The following DNAH6 variants were observed in gnomAD, a reference collection of about 807,000 sequenced individuals.
DNAH6 encodes the protein dynein axonemal heavy chain 6, also known as axonemal beta dynein heavy chain 6.
Under a neutral mutation model 491.4 loss-of-function variants are expected in DNAH6, and 340 were observed. The ratio of observed to expected loss-of-function variants is 0.69; its 90% CI spans 0.63 to 0.76. The LOEUF (loss-of-function observed/expected upper bound fraction) is 0.76. DNAH6 is among the 30% of genes least tolerant of loss of function. The probability of loss-of-function intolerance (pLI) is 0.00; values close to 1 mark genes in which losing one functional copy is unlikely to be tolerated. For synonymous variants in DNAH6, 1,603 were observed against 1,686.1 expected (o/e 0.95, Z 1.21); for missense variants, 4,443 against 4,972.2 (o/e 0.89, Z 3.20).
intron 16 of DNAH6, among the ~76,000 whole-genome samples, chr2:84,590,568 T>C (rs1684022066): frequency 2.0e-5 from 3 of 149,560 alleles, no homozygotes; most frequent in Admixed American, 6.7e-5. Context: ...ATATCTTTGG[T>C]CCTGTCAGCA....
chr2:84,511,606 G>A (rs1245093997), upstream of DNAH6, among the ~76,000 whole-genome samples: 4 of 152,172 alleles, frequency 2.6e-5, no homozygotes, highest in African/African-American at 9.7e-5. Context: ...ACACTCCCCA[G>A]TGAGACGAAC....
chr2:84,603,429 A>C (rs1685456203), intron 18 of DNAH6, among the ~76,000 whole-genome samples: 1 of 152,010 alleles, frequency 6.6e-6, no homozygotes, highest in African/African-American at 2.4e-5. Flanking sequence ...TTTTCCTCTG[A>C]CCTTGGGTCT....
intron 9 of DNAH6, among the ~76,000 whole-genome samples, chr2:84,551,676 A>T (rs1041725982): frequency 1.3e-5 from 2 of 152,210 alleles, no homozygotes; most frequent in Non-Finnish European, 2.9e-5. Flanking sequence ...AGAAATATGC[A>T]CATTTTTAAG....
At chr2:84,471,301 C>G in the DNAH6 span, among the ~76,000 whole-genome samples, 3 of 152,186 alleles carry the variant, frequency 2.0e-5, no homozygotes, top group Non-Finnish European at 2.9e-5. Context: ...GCTGTGCAGC[C>G]CTTAATTGCT....
At chr2:84,694,184 C>A in intron 45 of DNAH6, 65 bp from the exon 46 acceptor site, 1 of 1,411,862 alleles carries the variant, frequency 7.1e-7, no homozygotes, top group Non-Finnish European at 9.8e-7. Context: ...GGCTCTGGGG[C>A]AGGCTCTCTG....
At chr2:84,597,863 G>A (rs72941044) in intron 18 of DNAH6, among the ~76,000 whole-genome samples, 6,163 of 152,274 alleles carry the variant, frequency 0.04, 402 homozygotes, top group African/African-American at 0.14. Context: ...ACTTATGCCT[G>A]TAATCCCAAT....
intron 42 of DNAH6, 27 bp downstream of exon 42, chr2:84,681,555 A>G: frequency 6.8e-7 from 1 of 1,472,004 alleles, no homozygotes; most frequent in Non-Finnish European, 9.0e-7. Flanking sequence ...TCGTTTTCTG[A>G]TCTGCACCCT....
chr2:84,602,977 C>T (rs559877560), intron 18 of DNAH6, among the ~76,000 whole-genome samples: 3 of 151,550 alleles, frequency 2.0e-5, no homozygotes, highest in South Asian at 4.2e-4. Context: ...TTGTATTTTC[C>T]ACCTCTCTGT....
chr2:84,720,363 C>T (rs1341966982), intron 59 of DNAH6, among the ~76,000 whole-genome samples: 2 of 146,090 alleles, frequency 1.4e-5, no homozygotes, highest in African/African-American at 2.5e-5. Context: ...ACTGCAAGCT[C>T]CGCCTCCCGG....
intron 18 of DNAH6, among the ~76,000 whole-genome samples, chr2:84,602,224 A>G (rs904588164): frequency 1.3e-5 from 2 of 152,044 alleles, no homozygotes; most frequent in African/African-American, 4.8e-5. Flanking sequence ...TAACATGTTC[A>G]TTCAGCCTAA....
rs190378446 is a variant in DNAH6 at position 84,732,090 on chromosome 2, G to A, written c.10207-1354G>A. ...ACATTAGAGACTTAATGCTGTGCAG[G>A]GGGTGTGGGGAGCCTCCACTAAAAT... On this transcript the variant is annotated intron_variant, in intron 61 of 76. Coordinates refer to ENST00000389394, the MANE Select transcript of DNAH6 (RefSeq NM_001370.2). 3.3e-5 allele frequency among the ~76,000 whole-genome samples: 5 copies of A among 152,226 alleles called. No homozygotes were observed. The East Asian group carries it at 9.7e-4, about 29-fold the overall frequency.
chr2:84,541,661 G>T (rs1359962998), intron 4 of DNAH6, among the ~76,000 whole-genome samples: 1 of 152,172 alleles, frequency 6.6e-6, no homozygotes, highest in East Asian at 1.9e-4. Context: ...GAAAAGTGAG[G>T]TGAAACCTCT....
intron 33 of DNAH6, among the ~76,000 whole-genome samples, chr2:84,648,984 A>G (rs1690156902): frequency 6.6e-6 from 1 of 152,156 alleles, no homozygotes; most frequent in Non-Finnish European, 1.5e-5. Flanking sequence ...TGCCACAGTC[A>G]CTCCAGCCTT....
chr2:84,528,907 C>G lies in DNAH6; in HGVS notation c.403C>G (p.His135Asp). 1 of 1,535,750 alleles carries G rather than the reference C, an allele frequency of 6.5e-7. No individual in the cohort carries two copies. The highest frequency in any genetic ancestry group is 8.8e-7 in the Non-Finnish European group (1 of 1,140,380). ...HQDAVKKMQI[H>D]RPYVEVFSPS... ...TTCAAAAATTGGCTTTGTTTAGATT[C>G]ATCGGCCCTATGTTGAGGTGTTCTC... Residue 135 changes from histidine to aspartate, a missense_variant, in exon 4 of 77, where the codon CAT becomes GAT. By Grantham distance (81) the His-to-Asp change is moderately conservative. Transcript: ENST00000389394.
chr2:84,640,392 A>G (rs1174151938), intron 31 of DNAH6, 38 bp from the exon 32 acceptor site: 2 of 1,275,240 alleles, frequency 1.6e-6, no homozygotes, highest in Non-Finnish European at 2.2e-6. Flanking sequence ...TGTTATCAAT[A>G]CAATATAATA....
chr2:84,808,131 A>ATGTGTGTGTGTGTG (rs35839006), intron 71 of DNAH6, among the ~76,000 whole-genome samples: 3 of 141,152 alleles, frequency 2.1e-5, no homozygotes, highest in Admixed American at 1.4e-4. Context: ...GTGTATATAT[A>ATGTGTGTGTGTGTG]TGTGTGTGTG....
At chr2:84,678,298 G>A (rs535680203) in intron 41 of DNAH6, among the ~76,000 whole-genome samples, 1 of 152,116 alleles carries the variant, frequency 6.6e-6, no homozygotes, top group Non-Finnish European at 1.5e-5. Context: ...AAGCACCAGA[G>A]TATAAAACAA....
At chr2:84,749,972 C>G (rs573392290) in intron 63 of DNAH6, among the ~76,000 whole-genome samples, 16 of 152,158 alleles carry the variant, frequency 1.1e-4, no homozygotes, top group African/African-American at 3.6e-4. Flanking sequence ...TATGTATAAG[C>G]TTTATTTAGA....
chr2:84,468,807 A>G, the DNAH6 span, among the ~76,000 whole-genome samples: 1 of 152,216 alleles, frequency 6.6e-6, no homozygotes. Flanking sequence ...ATGATTTTTT[A>G]GAGCTAACTA....
Sources: allele counts gnomAD v4.1 joint callset (sites outside exome capture counted in the v4.1 genomes callset), GRCh38; gene constraint gnomAD v4.1.1; transcripts MANE v1.5; gene names NCBI Gene and HGNC (gene_info 2026-07-23, HGNC 2026-07-21).